The following RC3H1 variants were observed in gnomAD, a reference collection of about 807,000 sequenced individuals.
RC3H1 encodes the protein roquin-1.
A neutral mutation model predicts 138.2 loss-of-function variants in RC3H1; 50 were observed. That is an observed-to-expected ratio of 0.36 (90% CI 0.29 to 0.46). The LOEUF is 0.46. RC3H1 is among the 20% of genes least tolerant of loss of function. The pLI, the probability that RC3H1 is intolerant of heterozygous loss-of-function variation, is 1.00. For missense variants in RC3H1, 1,031 were observed against 1,388.1 expected, an observed-to-expected ratio of 0.74 and a Z score of 4.09; for synonymous variants, 462 against 489.1, an observed-to-expected ratio of 0.94 and a Z score of 0.73.
intron 1 of RC3H1, among the ~76,000 whole-genome samples, chr1:173,993,887 G>A (rs1661392600): frequency 6.6e-6 from 1 of 150,596 alleles, no homozygotes; most frequent in South Asian, 2.1e-4. Context: ...AGGCGTGGTG[G>A]CAGGCGCCTG....
chr1:173,957,546 T>C (rs1263772053), intron 13 of RC3H1, among the ~76,000 whole-genome samples: 1 of 152,038 alleles, frequency 6.6e-6, no homozygotes, highest in East Asian at 1.9e-4. Flanking sequence ...ATCACACCTG[T>C]TTTCTTCCCC....
chr1:174,013,130 T>C (rs1322801360), intron 1 of RC3H1, among the ~76,000 whole-genome samples: 2 of 152,104 alleles, frequency 1.3e-5, no homozygotes, highest in African/African-American at 4.8e-5. Context: ...AAATAATGGT[T>C]CTTTGGGGGA....
At chr1:173,999,390 AAAG>A (rs1181033715) in intron 1 of RC3H1, among the ~76,000 whole-genome samples, 3 of 135,762 alleles carry the variant, frequency 2.2e-5, no homozygotes, top group Admixed American at 6.9e-5. Flanking sequence ...AAAAAAAAAA[AAAG>A]AGAGAGAGAG....
At chr1:173,962,293 A>G (rs1029316449) in intron 11 of RC3H1, among the ~76,000 whole-genome samples, 198 bp from the exon 12 acceptor site, 5 of 152,180 alleles carry the variant, frequency 3.3e-5, no homozygotes, top group African/African-American at 1.2e-4. Context: ...CATTGAAAAA[A>G]CTACCCTACT....
intron 13 of RC3H1, among the ~76,000 whole-genome samples, chr1:173,958,313 C>T (rs1659729250): frequency 6.6e-6 from 1 of 152,056 alleles, no homozygotes; most frequent in South Asian, 2.1e-4. Context: ...AAGGCCAAGA[C>T]GGGCAGATCA....
At chr1:174,002,157 T>C (rs895249047) in intron 1 of RC3H1, among the ~76,000 whole-genome samples, 1 of 152,198 alleles carries the variant, frequency 6.6e-6, no homozygotes, top group Non-Finnish European at 1.5e-5. Context: ...GATTCATGTA[T>C]ACATTTTGAA....
At chr1:174,021,432 C>A (rs1239906566) in intron 1 of RC3H1, among the ~76,000 whole-genome samples, 1 of 152,106 alleles carries the variant, frequency 6.6e-6, no homozygotes, top group African/African-American at 2.4e-5. Context: ...CATCCCTTAC[C>A]ACTCCATCCT....
chr1:174,013,504 C>T (rs550173292), intron 1 of RC3H1, among the ~76,000 whole-genome samples: 7 of 151,476 alleles, frequency 4.6e-5, no homozygotes, highest in East Asian at 3.9e-4. Flanking sequence ...TGTAGTGGCG[C>T]GATCTCAGCT....
intron 1 of RC3H1, among the ~76,000 whole-genome samples, chr1:173,995,775 T>C (rs573884505): frequency 6.6e-6 from 1 of 152,282 alleles, no homozygotes; most frequent in South Asian, 2.1e-4. Context: ...CTATATGTCT[T>C]TTCTCACTCT....
chr1:174,000,486 A>C (rs2103065560), intron 1 of RC3H1, among the ~76,000 whole-genome samples: 1 of 152,344 alleles, frequency 6.6e-6, no homozygotes, highest in South Asian at 2.1e-4. Flanking sequence ...TAACGGCCCC[A>C]AATCAATAAA....
chr1:174,006,316 C>CA (rs1384540007), intron 1 of RC3H1, among the ~76,000 whole-genome samples: 1 of 152,190 alleles, frequency 6.6e-6, no homozygotes, highest in Non-Finnish European at 1.5e-5. Context: ...CAACTATCTT[C>CA]ATATACTCCC....
intron 8 of RC3H1, among the ~76,000 whole-genome samples, chr1:173,972,027 A>T (rs1246775721): frequency 6.6e-6 from 1 of 152,128 alleles, no homozygotes; most frequent in Non-Finnish European, 1.5e-5. Flanking sequence ...TTTGAGGGAG[A>T]TTTGGCCCAA....
Position 173,936,743 on chromosome 1 carries a change from ATATATATATATATATATATT to A in RC3H1, c.*1958_*1977del, listed in dbSNP as rs1476965634. 3.4e-3 allele frequency: 158 copies of A among 47,136 alleles called. 2 individuals carry two copies. The highest frequency in any genetic ancestry group is 0.027 in the African/African-American group (119 of 4,366). The allele number at this position is 47,136 out of a possible 1,614,324, so 2.9% of individuals were successfully genotyped here. A position where few individuals can be genotyped will look rare whatever the true frequency, so the allele number is the denominator to read the frequency against. ...AGAAAAAGCATACATATATATATAT[ATATATATATATATATATATT>A]TTTTTTTTTTTTTTTAAAAAAAGAA... On this transcript the variant is annotated 3_prime_UTR_variant, in exon 20 of 20. Transcript: ENST00000367696.
intron 1 of RC3H1, among the ~76,000 whole-genome samples, chr1:174,008,063 T>C (rs922855685): frequency 3.3e-5 from 5 of 152,230 alleles, no homozygotes; most frequent in African/African-American, 1.2e-4. Context: ...TATTTCTTTT[T>C]CCCTATGATC....
intron 1 of RC3H1, among the ~76,000 whole-genome samples, chr1:174,020,054 T>A (rs2103120424): frequency 6.6e-6 from 1 of 151,996 alleles, no homozygotes; most frequent in Admixed American, 6.6e-5. Flanking sequence ...TTCTAATAGG[T>A]TTAGGGCCAT....
Position 173,941,293 on chromosome 1 carries a change from G to C in RC3H1, c.3223C>G (p.Pro1075Ala). Residue 1075 changes from proline (P) to alanine (A), a missense_variant, in exon 19 of 20, where the codon CCG becomes GCG. Around this residue, in one of 7 missense-constraint regions of RC3H1, gnomAD observed 716 missense variants for 837.9 expected, o/e 0.85. Transcript: ENST00000367696. ...AATGTCAATGTAAGGTCCTCAGCCG[G>C]AACCTTGTTTTGTGGTTCTGGTTGT... ...NGQPEPQNKV[P>A]AEDLTLTFSD... The C allele has an allele frequency of 3.7e-6, 6 of 1,613,640 alleles. No individual in the cohort carries two copies. The highest frequency in any genetic ancestry group is 5.1e-6 in the Non-Finnish European group (6 of 1,179,668).
chr1:173,961,169 C>G lies in RC3H1; in HGVS notation c.2278G>C (p.Glu760Gln). 6.2e-7 allele frequency: 1 copy of G among 1,613,986 alleles called. No homozygotes were observed. The highest frequency in any genetic ancestry group is 8.5e-7 in the Non-Finnish European group (1 of 1,179,974). Residue 760 changes from glutamate to glutamine, a missense_variant, in exon 13 of 20, where the codon GAA becomes CAA. Glu to Gln is a conservative substitution (Grantham distance 29). Transcript: ENST00000367696. ...SLDELHRRRKEIMAQLEERKV... is the reference protein window; with the variant it reads ...SLDELHRRRKQIMAQLEERKV... ...CTTTCCTCTAGCTGGGCCATTATTT[C>G]CTTTCGTCGGCGATGTAGTTCATCT... is the stretch of plus-strand genomic sequence containing the variant.
chr1:173,949,820 A>G (rs1168477245), intron 14 of RC3H1, among the ~76,000 whole-genome samples: 1 of 152,264 alleles, frequency 6.6e-6, no homozygotes, highest in Non-Finnish European at 1.5e-5. Context: ...GTATGGTATC[A>G]GTTACACAGA....
chr1:173,987,560 T>C (rs776399517), intron 2 of RC3H1, among the ~76,000 whole-genome samples: 32 of 152,302 alleles, frequency 2.1e-4, no homozygotes, highest in Middle Eastern at 3.4e-3. Flanking sequence ...GTATTTCCTG[T>C]CCCAGTCTTA....
Sources: gnomAD v4.1 joint callset for allele counts (sites outside exome capture counted in the v4.1 genomes callset) on GRCh38, gnomAD v4.1.1 for gene constraint, gnomAD v4.1.1 regional missense constraint, MANE v1.5 for transcripts, NCBI Gene and HGNC (gene_info 2026-07-23, HGNC 2026-07-21) for gene names.